FHIT: variants seen among roughly 807,000 people sequenced by gnomAD.
FHIT encodes the protein fragile histidine triad diadenosine triphosphatase.
In FHIT, 19 loss-of-function variants were observed where a neutral mutation model predicts 17.9. The ratio of observed to expected loss-of-function variants is 1.06; its 90% CI spans 0.74 to 1.56. The LOEUF is 1.56. Among genes scored for constraint, FHIT ranks in the 40% most tolerant of loss-of-function variants. FHIT has a pLI of 0.00. For missense variants in FHIT, 248 were observed against 189.2 expected, an observed-to-expected ratio of 1.31 and a Z score of -1.82; for synonymous variants, 81 against 69.7, an observed-to-expected ratio of 1.16 and a Z score of -0.81.
chr3:60,919,525 C>T (rs781260082), intron 3 of FHIT, among the ~76,000 whole-genome samples: 2 of 151,158 alleles, frequency 1.3e-5, no homozygotes, highest in Non-Finnish European at 2.9e-5. Flanking sequence ...TGTGGAGAAA[C>T]CAAGGATTAA....
At chr3:59,934,830 C>T (rs1283652547) in intron 7 of FHIT, among the ~76,000 whole-genome samples, 1 of 152,102 alleles carries the variant, frequency 6.6e-6, no homozygotes, top group African/African-American at 2.4e-5. Context: ...ATGGGGGAAA[C>T]TGCCCCCATG....
chr3:59,868,047 TA>T lies in FHIT; in HGVS notation c.348+54298del, dbSNP rs1553701048. ...TGCTGTGGAAATGTTTTTTTTTTTT[TA>T]AAAAAAAAAAAAAAAAAACCTTTCA... On this transcript the variant is annotated intron_variant, in intron 8 of 9. Transcript: ENST00000492590. Among the ~76,000 whole-genome samples, 579 of 111,352 alleles carry T rather than the reference TA, an allele frequency of 5.2e-3. 3 individuals are homozygous for T. The highest frequency in any genetic ancestry group is 0.032 in the East Asian group (122 of 3,868). 73.1% of individuals were successfully genotyped at this position (111,352 alleles called of 152,430 possible).
chr3:59,888,684 T>C (rs1703727003), intron 8 of FHIT, among the ~76,000 whole-genome samples: 1 of 152,206 alleles, frequency 6.6e-6, no homozygotes, highest in South Asian at 2.1e-4. Context: ...TGGGTCCTAG[T>C]CTCCATACCA....
chr3:59,954,130 G>A (rs953925810), intron 7 of FHIT, among the ~76,000 whole-genome samples: 51 of 151,978 alleles, frequency 3.4e-4, no homozygotes, highest in Non-Finnish European at 6.2e-4. Flanking sequence ...AAATCAGAAG[G>A]CCAGAAACCT....
intron 8 of FHIT, among the ~76,000 whole-genome samples, chr3:59,782,140 A>G (rs188666328): frequency 6.6e-6 from 1 of 152,294 alleles, no homozygotes; most frequent in Admixed American, 6.5e-5. Context: ...TGATTCCTAA[A>G]GAAGTATATG....
chr3:61,093,862 T>C (rs2035557868), intron 2 of FHIT, among the ~76,000 whole-genome samples: 1 of 152,146 alleles, frequency 6.6e-6, no homozygotes, highest in South Asian at 2.1e-4. Flanking sequence ...ACGTAATAAA[T>C]AAATGGTTAC....
chr3:60,602,148 A>T (rs2038464284), intron 4 of FHIT, among the ~76,000 whole-genome samples: 1 of 152,194 alleles, frequency 6.6e-6, no homozygotes, highest in Non-Finnish European at 1.5e-5. Context: ...CATTTATCTA[A>T]AGTGAAGAAA....
intron 5 of FHIT, among the ~76,000 whole-genome samples, chr3:60,153,805 C>G (rs1700569689): frequency 6.6e-6 from 1 of 152,170 alleles, no homozygotes; most frequent in Non-Finnish European, 1.5e-5. Context: ...CCCCCTTCCC[C>G]AGGCCCTTCC....
chr3:60,595,636 T>G (rs2038244407), intron 4 of FHIT, among the ~76,000 whole-genome samples: 2 of 150,900 alleles, frequency 1.3e-5, no homozygotes, highest in South Asian at 4.2e-4. Context: ...TATGTGTGTG[T>G]GTGTGTATAG....
chr3:60,888,795 G>T (rs1705352509), intron 3 of FHIT, among the ~76,000 whole-genome samples: 1 of 152,092 alleles, frequency 6.6e-6, no homozygotes, highest in African/African-American at 2.4e-5. Context: ...TTTTTATTTT[G>T]AGATAATTAT....
intron 2 of FHIT, among the ~76,000 whole-genome samples, chr3:61,135,266 T>A (rs923082145): frequency 3.9e-5 from 6 of 152,342 alleles, no homozygotes; most frequent in African/African-American, 1.2e-4. Context: ...ATTTTTGGCC[T>A]CTGCATAAAA....
chr3:60,192,286 C>A (rs965659534), intron 5 of FHIT, among the ~76,000 whole-genome samples: 4 of 149,498 alleles, frequency 2.7e-5, no homozygotes, highest in Non-Finnish European at 5.9e-5. Flanking sequence ...GATAGACAGG[C>A]AAAAGTTCAA....
At position 61,211,848 on chromosome 3, in the gene FHIT, C is replaced by T. The variant is rs560281728; in HGVS notation, c.-212-11183G>A. Among the ~76,000 whole-genome samples, 11 of 152,264 alleles carry T rather than the reference C, an allele frequency of 7.2e-5. No individual in the cohort carries two copies. The South Asian group carries it at 8.3e-4, about 11-fold the overall frequency. On this transcript the variant is annotated intron_variant, in intron 1 of 9. Transcript: ENST00000492590. ...ATCAGACAGCAGCATTCGCGGTTCACGAAAATCCGCTGTTCTGCAGCCACT... is the reference window on the plus strand; with the variant it reads ...ATCAGACAGCAGCATTCGCGGTTCATGAAAATCCGCTGTTCTGCAGCCACT...
At position 59,996,335 on chromosome 3, in the gene FHIT, G is replaced by C. The variant is rs1699509741; in HGVS notation, c.279+15036C>G. On this transcript the variant is annotated intron_variant, in intron 7 of 9. Coordinates refer to ENST00000492590, the MANE Select transcript of FHIT (RefSeq NM_002012.4). ...TGGGTAGAATGTGGCTTTGTGACTT[G>C]CCTCAAGATTCACCCCATCAATTTA... 3.3e-5 allele frequency among the ~76,000 whole-genome samples: 5 copies of C among 151,988 alleles called. No individual in the cohort carries two copies. In the South Asian group the frequency reaches 1.0e-3, roughly 32 times the overall value.
At chr3:61,199,155 C>T (rs913091215) in intron 2 of FHIT, among the ~76,000 whole-genome samples, 2 of 152,172 alleles carry the variant, frequency 1.3e-5, no homozygotes, top group African/African-American at 2.4e-5. Context: ...TGACTAAACC[C>T]ATGTCTGATT....
chr3:60,417,691 C>T (rs1298329513), intron 5 of FHIT, among the ~76,000 whole-genome samples: 3 of 152,064 alleles, frequency 2.0e-5, no homozygotes, highest in East Asian at 1.9e-4. Flanking sequence ...AGAATGTTCC[C>T]GGGGCTCTGA....
At chr3:59,865,356 G>A (rs1209208385) in intron 8 of FHIT, among the ~76,000 whole-genome samples, 1 of 152,236 alleles carries the variant, frequency 6.6e-6, no homozygotes, top group Non-Finnish European at 1.5e-5. Flanking sequence ...CATCGTGCAA[G>A]CACGTTAGCT....
At chr3:60,340,408 G>C (rs1164520701) in intron 5 of FHIT, among the ~76,000 whole-genome samples, 1 of 152,130 alleles carries the variant, frequency 6.6e-6, no homozygotes. Context: ...CACTGTTCTT[G>C]GGAGCCCATG....
chr3:60,640,085 G>A (rs377009674), intron 4 of FHIT, among the ~76,000 whole-genome samples: 11 of 152,162 alleles, frequency 7.2e-5, no homozygotes, highest in East Asian at 5.8e-4. Flanking sequence ...CAAAATCACC[G>A]CTAGTGACAG....
Sources: allele counts gnomAD v4.1 joint callset (sites outside exome capture counted in the v4.1 genomes callset), GRCh38; gene constraint gnomAD v4.1.1; transcripts MANE v1.5; gene names NCBI Gene and HGNC (gene_info 2026-07-23, HGNC 2026-07-21).